The following PLD5 variants were observed in gnomAD, a reference collection of about 807,000 sequenced individuals.
PLD5 encodes inactive phospholipase D5.
In PLD5, 36 loss-of-function variants were observed where a neutral mutation model predicts 61.1. The observed-to-expected ratio is 0.59, with a 90% CI of 0.45 to 0.78. The LOEUF is 0.78. PLD5 is among the 30% of genes least tolerant of loss of function. PLD5 has a pLI of 0.00. For synonymous variants in PLD5, 243 were observed against 242.8 expected (o/e 1.00, Z -0.01); for missense variants, 515 against 644.4 (o/e 0.80, Z 2.17).
At chr1:242,509,117 C>T (rs1668822380) in intron 1 of PLD5, among the ~76,000 whole-genome samples, 1 of 151,826 alleles carries the variant, frequency 6.6e-6, no homozygotes, top group Non-Finnish European at 1.5e-5. Flanking sequence ...TGGCTCACTT[C>T]TGTAATCCTA....
chr1:242,392,141 T>C (rs955457625), intron 1 of PLD5, among the ~76,000 whole-genome samples: 1 of 152,134 alleles, frequency 6.6e-6, no homozygotes, highest in African/African-American at 2.4e-5. Flanking sequence ...TTATCCTAAA[T>C]GAATTAGCAA....
chr1:242,517,696 ACT>A (rs1669148226), intron 1 of PLD5, among the ~76,000 whole-genome samples: 1 of 152,052 alleles, frequency 6.6e-6, no homozygotes. Context: ...TTATATTGTA[ACT>A]CTGTTTATAC....
chr1:242,105,918 C>G (rs968928833), intron 8 of PLD5, among the ~76,000 whole-genome samples: 1 of 152,170 alleles, frequency 6.6e-6, no homozygotes, highest in Non-Finnish European at 1.5e-5. Context: ...ATGGAAATAA[C>G]TAGAAACAAG....
At chr1:242,123,151 C>T (rs550927968) in intron 6 of PLD5, among the ~76,000 whole-genome samples, 8 of 152,234 alleles carry the variant, frequency 5.3e-5, no homozygotes, top group African/African-American at 7.2e-5. Context: ...CACTTAATGA[C>T]GCCGACAGGT....
chr1:242,233,582 G>A (rs1671447713), intron 4 of PLD5, among the ~76,000 whole-genome samples: 1 of 152,098 alleles, frequency 6.6e-6, no homozygotes, highest in Admixed American at 6.5e-5. Flanking sequence ...CAGGGAGGGA[G>A]GGAGGGCTGG....
intron 1 of PLD5, among the ~76,000 whole-genome samples, chr1:242,446,514 T>C (rs1341910148): frequency 1.3e-5 from 2 of 152,098 alleles, no homozygotes; most frequent in African/African-American, 2.4e-5. Context: ...GAGGTTGCAG[T>C]GAGCTGAGAT....
intron 1 of PLD5, among the ~76,000 whole-genome samples, chr1:242,499,984 G>A (rs1310183058): frequency 6.6e-6 from 1 of 152,088 alleles, no homozygotes; most frequent in African/African-American, 2.4e-5. Flanking sequence ...TGCTTACCTG[G>A]GGCCTCTCAA....
chr1:242,521,858 G>T (rs1572287027), intron 1 of PLD5, among the ~76,000 whole-genome samples: 1 of 152,002 alleles, frequency 6.6e-6, no homozygotes, highest in East Asian at 1.9e-4. Flanking sequence ...ATTTGTTATA[G>T]GTTTTTGACA....
chr1:242,102,285 G>A (rs932633702), intron 8 of PLD5, among the ~76,000 whole-genome samples: 2 of 152,254 alleles, frequency 1.3e-5, no homozygotes, highest in African/African-American at 4.8e-5. Context: ...CAAGGATAGA[G>A]TCACAGCTTG....
intron 3 of PLD5, among the ~76,000 whole-genome samples, chr1:242,287,268 C>A (rs1175557637): frequency 6.6e-6 from 1 of 152,122 alleles, no homozygotes; most frequent in African/African-American, 2.4e-5. Flanking sequence ...CCAGCCAATA[C>A]CATATGGATC....
Position 242,083,582 on chromosome 1 carries a change from C to T in PLD5, c.*6272G>A, listed in dbSNP as rs1015150784. Reference sequence around the variant, plus strand: ...ATGACATTTTCCTACAGAGGATTTTCAAAGTGCTTTATCAGTACCATAACT... The same window carrying T: ...ATGACATTTTCCTACAGAGGATTTTTAAAGTGCTTTATCAGTACCATAACT... On this transcript the variant is annotated 3_prime_UTR_variant, in exon 10 of 10. Transcript: ENST00000536534. The T allele has an allele frequency of 1.3e-5, 2 of 152,310 alleles. No individual in the cohort carries two copies. Among genetic ancestry groups the T allele is most frequent in the Non-Finnish European group, 1.5e-5 (1 of 68,026 alleles). 9.4% of individuals were successfully genotyped at this position (152,310 alleles called of 1,614,324 possible).
At chr1:242,125,586 T>G (rs1237823000) in intron 5 of PLD5, among the ~76,000 whole-genome samples, 3 of 152,130 alleles carry the variant, frequency 2.0e-5, no homozygotes, top group Non-Finnish European at 4.4e-5. Context: ...AACTATACAA[T>G]GTGAAATTTT....
rs12736654 is a variant in PLD5 at position 242,447,897 on chromosome 1, C to T, written c.189+76191G>A. Among the ~76,000 whole-genome samples the T allele has an allele frequency of 1.7e-3, 254 of 152,246 alleles. 1 individual carries two copies. The highest frequency in any genetic ancestry group is 2.0e-3 in the Non-Finnish European group (135 of 68,030). ...GCGAGAGGGACTCTGCATTTCAGCC[C>T]GGTCCTTTATAATCCTTAAAGGAAT... is the stretch of plus-strand genomic sequence containing the variant. On this transcript the variant is annotated intron_variant, in intron 1 of 9. Coordinates refer to ENST00000536534, the MANE Select transcript of PLD5 (RefSeq NM_001372062.1).
At chr1:242,310,524 C>T (rs966085603) in intron 2 of PLD5, among the ~76,000 whole-genome samples, 2 of 152,092 alleles carry the variant, frequency 1.3e-5, no homozygotes, top group Non-Finnish European at 1.5e-5. Context: ...TATGTATACA[C>T]ATGGTCACAC....
At chr1:242,285,422 C>A (rs762200872) in intron 3 of PLD5, among the ~76,000 whole-genome samples, 2 of 152,122 alleles carry the variant, frequency 1.3e-5, no homozygotes, top group Admixed American at 6.5e-5. Context: ...CGCTTGAACC[C>A]GGGAAGTAGA....
chr1:242,111,760 A>C (rs944557667), intron 7 of PLD5, among the ~76,000 whole-genome samples: 4 of 151,644 alleles, frequency 2.6e-5, no homozygotes, highest in Admixed American at 2.6e-4. Context: ...ACGACTACTT[A>C]TGTCTCTTTG....
At chr1:242,098,344 A>T (rs1660416989) in intron 9 of PLD5, among the ~76,000 whole-genome samples, 1 of 152,112 alleles carries the variant, frequency 6.6e-6, no homozygotes, top group African/African-American at 2.4e-5. Context: ...CTTCCAGTTG[A>T]TCGAATCGGC....
chr1:242,491,339 C>T (rs1381399466), intron 1 of PLD5, among the ~76,000 whole-genome samples: 1 of 152,070 alleles, frequency 6.6e-6, no homozygotes, highest in Non-Finnish European at 1.5e-5. Context: ...TATAGATAGA[C>T]ATTTAGATAC....
chr1:242,419,185 G>A (rs1664990924), intron 1 of PLD5, among the ~76,000 whole-genome samples: 1 of 151,980 alleles, frequency 6.6e-6, no homozygotes, highest in African/African-American at 2.4e-5. Context: ...GCTCAGTGTG[G>A]AGATGAGATG....
Sources: allele counts gnomAD v4.1 joint callset (sites outside exome capture counted in the v4.1 genomes callset), GRCh38; gene constraint gnomAD v4.1.1; transcripts MANE v1.5; gene names NCBI Gene and HGNC (gene_info 2026-07-23, HGNC 2026-07-21).